The following ZHX3 variants were observed in gnomAD, a reference collection of about 807,000 sequenced individuals.
The protein encoded by ZHX3 is zinc fingers and homeoboxes 3, also known as zinc fingers and homeoboxes protein 3.
A neutral mutation model predicts 64.5 loss-of-function variants in ZHX3; 20 were observed. The ratio of observed to expected loss-of-function variants is 0.31; its 90% CI spans 0.22 to 0.45. The LOEUF (loss-of-function observed/expected upper bound fraction) is 0.45, where lower values mean the gene tolerates loss of function less well. Among genes scored for constraint, ZHX3 ranks in the 20% least tolerant of loss-of-function variants. ZHX3 has a pLI of 1.00. For synonymous variants in ZHX3, 423 were observed against 461.6 expected, an observed-to-expected ratio of 0.92 and a Z score of 1.07; for missense variants, 1,041 against 1,195.8, an observed-to-expected ratio of 0.87 and a Z score of 1.91.
At chr20:41,235,005 A>G (rs1426355135) in intron 2 of ZHX3, among the ~76,000 whole-genome samples, 2 of 152,246 alleles carry the variant, frequency 1.3e-5, no homozygotes, top group Non-Finnish European at 2.9e-5. Flanking sequence ...TTAGTAGGAA[A>G]TGAGTATAGT....
intron 2 of ZHX3, chr20:41,239,604 G>A (rs1425477494): frequency 6.6e-6 from 1 of 152,270 alleles, no homozygotes; most frequent in East Asian, 1.9e-4. Context: ...TTACCTGACT[G>A]GGCTTAAACA....
Position 41,185,007 on chromosome 20 carries a change from TG to T in ZHX3, c.*183del. The T allele has an allele frequency of 6.4e-7, 1 of 1,551,222 alleles. No homozygotes were observed. Among genetic ancestry groups the T allele is most frequent in the East Asian group, 2.4e-5 (1 of 40,912 alleles). ...AACCCCATCTTGCTTGCTGCTTGCT[TG>T]GTGGTGGGCAGGCCGAGGGTAGCGG... On this transcript the variant is annotated 3_prime_UTR_variant, in exon 4 of 4. Transcript: ENST00000683867. The surrounding 1 kb of genome is among the most constrained non-coding windows in gnomAD (Gnocchi z 5.0).
intron 2 of ZHX3, among the ~76,000 whole-genome samples, chr20:41,266,767 G>C (rs1226263275): frequency 1.3e-5 from 2 of 149,746 alleles, no homozygotes; most frequent in Non-Finnish European, 3.0e-5. Context: ...GGATGGTCTC[G>C]ATCTCCTGAC....
chr20:41,291,608 T>C (rs1326258143), intron 1 of ZHX3, among the ~76,000 whole-genome samples: 1 of 151,688 alleles, frequency 6.6e-6, no homozygotes. Context: ...TTTTGTGGGT[T>C]TGGAATATAT....
chr20:41,184,802 A>G lies in ZHX3; in HGVS notation c.*389T>C. ...GTAACTGACAATGCACTGCTTGGCT[A>G]ACCAAAGTTTCTACGTAATGACAGT... On this transcript the variant is annotated 3_prime_UTR_variant, in exon 4 of 4. Transcript: ENST00000683867. 7.7e-7 allele frequency: 1 copy of G among 1,295,416 alleles called. No individual in the cohort carries two copies. Among genetic ancestry groups the G allele is most frequent in the Non-Finnish European group, 1.0e-6 (1 of 966,590 alleles). 80.2% of individuals were successfully genotyped at this position (1,295,416 alleles called of 1,614,324 possible).
intron 1 of ZHX3, among the ~76,000 whole-genome samples, chr20:41,311,025 G>A (rs1286394071): frequency 6.6e-6 from 1 of 151,970 alleles, no homozygotes; most frequent in East Asian, 1.9e-4. Context: ...GGCCAGGATG[G>A]TCTTTATTTC....
chr20:41,245,050 T>C (rs2146471391), intron 2 of ZHX3, among the ~76,000 whole-genome samples: 1 of 152,154 alleles, frequency 6.6e-6, no homozygotes, highest in Non-Finnish European at 1.5e-5. Context: ...GAAAACAAGG[T>C]AAAGCTGAGG....
chr20:41,304,524 G>T (rs1260757280), intron 1 of ZHX3, among the ~76,000 whole-genome samples: 2 of 152,104 alleles, frequency 1.3e-5, no homozygotes, highest in Admixed American at 6.6e-5. Flanking sequence ...ATTTATTATT[G>T]TCTCAGTAAG....
rs1244079918 is a variant in ZHX3, at chr20:41,219,632, C to CT, written c.-150-14567dup. Among the ~76,000 whole-genome samples the CT allele has an allele frequency of 6.6e-6, 1 of 152,226 alleles. No individual in the cohort carries two copies. The highest frequency in any genetic ancestry group is 1.5e-5 in the Non-Finnish European group (1 of 68,038). ...TTGAGGACTTACTATGTGCTAGGCA[C>CT]TGGGTATACAAGGATTTTTGAAAAG... On this transcript the variant is annotated intron_variant, in intron 2 of 3. Transcript: ENST00000683867. The surrounding 1 kb of genome is among the most constrained non-coding windows in gnomAD (Gnocchi z 5.0).
At chr20:41,214,546 A>G (rs1198819035) in intron 2 of ZHX3, among the ~76,000 whole-genome samples, 1 of 152,254 alleles carries the variant, frequency 6.6e-6, no homozygotes, top group Non-Finnish European at 1.5e-5. Context: ...AGCATTTATT[A>G]AGAAAAAGTT....
chr20:41,260,379 A>G (rs1001683974), intron 2 of ZHX3, among the ~76,000 whole-genome samples: 1 of 152,242 alleles, frequency 6.6e-6, no homozygotes, highest in Non-Finnish European at 1.5e-5. Flanking sequence ...TTTGTAAGGT[A>G]GAAATAAAAC....
rs748944784 is a variant in ZHX3, at chr20:41,178,898, TCTTA to T, written c.*6289_*6292del. ...AACAAACAAAAACAGGGCAGTTGCC[TCTTA>T]CTTGTTTAGCACCAAGATGATCACC... On this transcript the variant is annotated 3_prime_UTR_variant, in exon 4 of 4. Coordinates refer to ENST00000683867, the MANE Select transcript of ZHX3 (RefSeq NM_001384317.1). The T allele has an allele frequency of 6.5e-6, 1 of 152,678 alleles. No homozygotes were observed. Among genetic ancestry groups the T allele is most frequent in the African/African-American group, 2.4e-5 (1 of 41,454 alleles). 9.5% of individuals were successfully genotyped at this position (152,678 alleles called of 1,614,324 possible). A position where few individuals can be genotyped will look rare whatever the true frequency, so the allele number is the denominator to read the frequency against.
In ZHX3 at chr20:41,181,265, C is replaced by T. The variant is rs1207633447; in HGVS notation, c.*3926G>A. 1.3e-5 allele frequency: 2 copies of T among 152,112 alleles called. No individual in the cohort carries two copies. The highest frequency in any genetic ancestry group is 3.9e-4 in the East Asian group (2 of 5,194). The allele number at this position is 152,112 out of a possible 1,614,324, so 9.4% of individuals were successfully genotyped here. ...CATGTGTCTAGAGGATTTTTCTTCT[C>T]CAGCATATAACTACCTTGAGAATGG... On this transcript the variant is annotated 3_prime_UTR_variant, in exon 4 of 4. Coordinates refer to ENST00000683867, the MANE Select transcript of ZHX3 (RefSeq NM_001384317.1).
intron 2 of ZHX3, among the ~76,000 whole-genome samples, chr20:41,241,193 G>A (rs1238606535): frequency 2.0e-5 from 3 of 152,092 alleles, no homozygotes; most frequent in Non-Finnish European, 4.4e-5. Context: ...CTGCCTTTTG[G>A]ATAAAGGTCA....
At chr20:41,229,641 T>A (rs2040475338) in intron 2 of ZHX3, among the ~76,000 whole-genome samples, 1 of 152,180 alleles carries the variant, frequency 6.6e-6, no homozygotes, top group Non-Finnish European at 1.5e-5. Context: ...TTTTGATTTG[T>A]ATTGCCTAAT....
intron 2 of ZHX3, among the ~76,000 whole-genome samples, chr20:41,213,239 G>A (rs993440382): frequency 2.0e-5 from 3 of 152,094 alleles, no homozygotes; most frequent in African/African-American, 7.2e-5. Context: ...GAGTCACCAG[G>A]CAATGAAAAT....
chr20:41,306,567 G>A (rs1217194752), intron 1 of ZHX3, among the ~76,000 whole-genome samples: 7 of 152,166 alleles, frequency 4.6e-5, no homozygotes, highest in Admixed American at 1.3e-4. Flanking sequence ...CTCCATTGGT[G>A]TCCAGCATAG....
chr20:41,250,317 G>A (rs189622525), intron 2 of ZHX3, among the ~76,000 whole-genome samples: 5 of 152,300 alleles, frequency 3.3e-5, no homozygotes, highest in East Asian at 1.9e-4. Context: ...CACTGTGACC[G>A]CCTGCTAAAA....
At chr20:41,267,923 G>A (rs1194969810) in intron 2 of ZHX3, among the ~76,000 whole-genome samples, 3 of 152,170 alleles carry the variant, frequency 2.0e-5, no homozygotes, top group Admixed American at 6.5e-5. Flanking sequence ...GACATTTTTG[G>A]TTTAGAGGAT....
Sources: allele counts gnomAD v4.1 joint callset (sites outside exome capture counted in the v4.1 genomes callset), GRCh38; gene constraint gnomAD v4.1.1; non-coding constraint Gnocchi (gnomAD v3.1); transcripts MANE v1.5; gene names NCBI Gene and HGNC (gene_info 2026-07-23, HGNC 2026-07-21).